The following NKAIN3 variants were observed in gnomAD, a reference collection of about 807,000 sequenced individuals.
The protein encoded by NKAIN3 is sodium/potassium transporting ATPase interacting 3, also known as sodium/potassium-transporting ATPase subunit beta-1-interacting protein 3.
NKAIN3 carries 25 observed loss-of-function variants against 30.2 expected under a neutral mutation model. The ratio of observed to expected loss-of-function variants is 0.83; its 90% CI spans 0.60 to 1.16. The LOEUF (loss-of-function observed/expected upper bound fraction) is 1.16. Among genes scored for constraint, NKAIN3 ranks in the 50% most tolerant of loss-of-function variants. NKAIN3 has a pLI of 0.00. For missense variants in NKAIN3, 225 were observed against 254.1 expected (o/e 0.89, Z 0.78); for synonymous variants, 91 against 89.6 (o/e 1.02, Z -0.09).
intron 4 of NKAIN3, among the ~76,000 whole-genome samples, chr8:62,808,969 A>C (rs895711137): frequency 6.6e-6 from 1 of 152,120 alleles, no homozygotes; most frequent in Non-Finnish European, 1.5e-5. Flanking sequence ...CAACTGTATA[A>C]GACGGACAGT....
intron 3 of NKAIN3, among the ~76,000 whole-genome samples, chr8:62,698,988 A>C (rs1814249040): frequency 6.6e-6 from 1 of 152,184 alleles, no homozygotes; most frequent in African/African-American, 2.4e-5. Flanking sequence ...CAATTTAAGA[A>C]TGAGTCCTGG....
At chr8:62,584,250 T>A (rs575805709) in intron 2 of NKAIN3, among the ~76,000 whole-genome samples, 3 of 152,304 alleles carry the variant, frequency 2.0e-5, no homozygotes, top group Non-Finnish European at 4.4e-5. Flanking sequence ...TTAAATTTAA[T>A]CCATTTCAAA....
chr8:62,687,234 C>CA (rs1051594643), intron 3 of NKAIN3, among the ~76,000 whole-genome samples: 6 of 152,066 alleles, frequency 3.9e-5, no homozygotes, highest in South Asian at 2.1e-4. Context: ...TTTCAACCAG[C>CA]AAAAAACAGA....
chr8:62,332,847 C>T (rs565774560), intron 1 of NKAIN3, among the ~76,000 whole-genome samples: 125 of 152,142 alleles, frequency 8.2e-4, no homozygotes, highest in African/African-American at 2.7e-3. Context: ...GGCACCATGC[C>T]GAAACCCCAT....
intron 4 of NKAIN3, among the ~76,000 whole-genome samples, chr8:62,847,544 C>T (rs143011163): frequency 1.3e-5 from 2 of 151,704 alleles, no homozygotes; most frequent in East Asian, 3.9e-4. Context: ...TTGGTTTTCT[C>T]TTGTAAATTT....
chr8:62,828,256 G>A (rs1819086107), intron 4 of NKAIN3, among the ~76,000 whole-genome samples: 1 of 152,056 alleles, frequency 6.6e-6, no homozygotes, highest in Non-Finnish European at 1.5e-5. Context: ...TATAGGTGGG[G>A]TAAGAATATA....
At chr8:62,919,710 AG>A (rs1822218569) in intron 5 of NKAIN3, among the ~76,000 whole-genome samples, 1 of 152,336 alleles carries the variant, frequency 6.6e-6, no homozygotes, top group African/African-American at 2.4e-5. Flanking sequence ...ACTTCCTTCC[AG>A]AACACAACCT....
chr8:62,909,969 T>C (rs1821885701), intron 4 of NKAIN3, among the ~76,000 whole-genome samples: 1 of 152,130 alleles, frequency 6.6e-6, no homozygotes, highest in Admixed American at 6.5e-5. Context: ...TAGTGAATAG[T>C]TAGATCTGAC....
At chr8:62,281,131 A>G (rs1010738391) in intron 1 of NKAIN3, among the ~76,000 whole-genome samples, 4 of 152,004 alleles carry the variant, frequency 2.6e-5, no homozygotes, top group Non-Finnish European at 4.4e-5. Context: ...GAATTCATCA[A>G]TTTCTTCTAG....
Position 62,859,508 on chromosome 8 carries a change from T to TAA in NKAIN3, c.472-58933_472-58932dup, listed in dbSNP as rs531859546. On this transcript the variant is annotated intron_variant, in intron 4 of 6. Coordinates refer to ENST00000623646, the MANE Select transcript of NKAIN3 (RefSeq NM_001304533.3). ...ACTTTTTCTATACTCTTACTTCAAC[T>TAA]AAAAAAAAAAAAACTTCATGGAAGT... Among the ~76,000 whole-genome samples the TAA allele has an allele frequency of 6.8e-4, 41 of 60,426 alleles. 8 individuals carry two copies. The highest frequency in any genetic ancestry group is 6.3e-3 in the Admixed American group (30 of 4,790). 39.6% of individuals were successfully genotyped at this position (60,426 alleles called of 152,430 possible).
In NKAIN3 at chr8:62,248,879, G is replaced by A. The variant is rs973118391; in HGVS notation, c.-195G>A. 9 of 545,746 alleles carry A rather than the reference G, an allele frequency of 1.6e-5. No individual in the cohort carries two copies. Among genetic ancestry groups the A allele is most frequent in the Non-Finnish European group, 2.8e-5 (9 of 317,278 alleles). The allele number at this position is 545,746 out of a possible 1,614,324, so 33.8% of individuals were successfully genotyped here. On this transcript the variant is annotated 5_prime_UTR_variant, in exon 1 of 7. Transcript: ENST00000623646. ...GCCAGACGCTCGGGTCGTGCGCACCGCACTGACCTCGGCCCGCCCCGCCGG... is the reference window on the plus strand; with the variant it reads ...GCCAGACGCTCGGGTCGTGCGCACCACACTGACCTCGGCCCGCCCCGCCGG...
intron 1 of NKAIN3, among the ~76,000 whole-genome samples, chr8:62,385,347 ATTG>A (rs1361873855): frequency 6.6e-6 from 1 of 152,138 alleles, no homozygotes; most frequent in East Asian, 1.9e-4. Context: ...TATGGTGGGT[ATTG>A]TTCTCTCCAT....
At chr8:62,676,461 C>A (rs1192177743) in intron 3 of NKAIN3, among the ~76,000 whole-genome samples, 1 of 152,108 alleles carries the variant, frequency 6.6e-6, no homozygotes, top group Non-Finnish European at 1.5e-5. Context: ...CCCAGCTACT[C>A]GGCAGGCTGA....
At chr8:62,766,042 A>T (rs1225051486) in intron 4 of NKAIN3, among the ~76,000 whole-genome samples, 1 of 152,210 alleles carries the variant, frequency 6.6e-6, no homozygotes, top group East Asian at 1.9e-4. Context: ...AGTCATCAAC[A>T]TCAAGTATTG....
chr8:62,453,568 C>A (rs1028485431), intron 1 of NKAIN3, among the ~76,000 whole-genome samples: 1 of 151,938 alleles, frequency 6.6e-6, no homozygotes, highest in East Asian at 1.9e-4. Flanking sequence ...GAAAACCATA[C>A]AAAAGATCAG....
chr8:62,707,478 G>A (rs759950770), intron 3 of NKAIN3, among the ~76,000 whole-genome samples: 21 of 152,094 alleles, frequency 1.4e-4, no homozygotes, highest in Non-Finnish European at 2.5e-4. Context: ...CTGATCATTA[G>A]TGATGTTGAG....
At chr8:62,380,603 G>A (rs1046493538) in intron 1 of NKAIN3, among the ~76,000 whole-genome samples, 1 of 152,154 alleles carries the variant, frequency 6.6e-6, no homozygotes, top group African/African-American at 2.4e-5. Flanking sequence ...TCTCTGTGCT[G>A]GTCCTAGGAA....
chr8:62,641,253 A>G lies in NKAIN3; in HGVS notation c.273+51459A>G, dbSNP rs569902509. Among the ~76,000 whole-genome samples, 5 of 152,304 alleles carry G rather than the reference A, an allele frequency of 3.3e-5. No individual in the cohort carries two copies. The South Asian group carries it at 1.0e-3, about 32-fold the overall frequency. On this transcript the variant is annotated intron_variant, in intron 3 of 6. Coordinates refer to ENST00000623646, the MANE Select transcript of NKAIN3 (RefSeq NM_001304533.3). ...AATACAGTTATGTAATTGTGCTAACAGAAAGCTTTGAAAAATAAATGAAAA... is the reference window on the plus strand; with the variant it reads ...AATACAGTTATGTAATTGTGCTAACGGAAAGCTTTGAAAAATAAATGAAAA...
In NKAIN3 at chr8:62,870,511, G is replaced by A. The variant is rs982568325; in HGVS notation, c.472-47942G>A. Among the ~76,000 whole-genome samples, 5 of 134,624 alleles carry A rather than the reference G, an allele frequency of 3.7e-5. No homozygotes were observed. The East Asian group carries it at 1.0e-3, about 28-fold the overall frequency. 88.3% of individuals were successfully genotyped at this position (134,624 alleles called of 152,430 possible). A position where few individuals can be genotyped will look rare whatever the true frequency, so the allele number is the denominator to read the frequency against. ...ACAATAAGTACAATATATACAATAT[G>A]TACGTATATATGTATATATGTACAA... On this transcript the variant is annotated intron_variant, in intron 4 of 6. Transcript: ENST00000623646.
Sources: gnomAD v4.1 joint callset for allele counts (sites outside exome capture counted in the v4.1 genomes callset) on GRCh38, gnomAD v4.1.1 for gene constraint, MANE v1.5 for transcripts, NCBI Gene and HGNC (gene_info 2026-07-23, HGNC 2026-07-21) for gene names.